The following GUK1 variants were observed in gnomAD, a reference collection of about 807,000 sequenced individuals.
The protein encoded by GUK1 is guanylate kinase 1, also known as guanylate kinase.
GUK1 carries 18 observed loss-of-function variants against 25.2 expected under a neutral mutation model. The observed-to-expected ratio is 0.71, with a 90% CI of 0.49 to 1.06. GUK1 has a LOEUF of 1.06. Among genes scored for constraint, GUK1 ranks in the 50% least tolerant of loss-of-function variants. The pLI is 0.00. For synonymous variants in GUK1, 105 were observed against 117.6 expected (o/e 0.89, Z 0.69); for missense variants, 261 against 276.7 (o/e 0.94, Z 0.40).
intron 2 of GUK1, among the ~76,000 whole-genome samples, chr1:228,143,415 G>A (rs2034172081): frequency 6.6e-6 from 1 of 152,182 alleles, no homozygotes; most frequent in Admixed American, 6.5e-5. Flanking sequence ...TTTCTCCTTC[G>A]TATTAGAAAA....
chr1:228,146,246 G>T (rs2034365649), intron 4 of GUK1, 179 bp downstream of exon 3: 1 of 596,310 alleles, frequency 1.7e-6, no homozygotes, highest in Non-Finnish European at 3.1e-6. Flanking sequence ...ACAGCGTGGT[G>T]TCGCCTTCCT....
chr1:228,140,730 C>T (rs1043158851), intron 1 of GUK1, among the ~76,000 whole-genome samples: 3 of 152,242 alleles, frequency 2.0e-5, no homozygotes, highest in Admixed American at 6.5e-5. Context: ...CGCTCCGGTT[C>T]CCACCTCACC....
At chr1:228,143,485 A>C (rs1036150521) in intron 2 of GUK1, among the ~76,000 whole-genome samples, 3 of 152,240 alleles carry the variant, frequency 2.0e-5, no homozygotes, top group African/African-American at 7.2e-5. Context: ...GTAGGTGTGT[A>C]GCAATTGCTG....
intron 2 of GUK1, among the ~76,000 whole-genome samples, chr1:228,142,163 C>T (rs1008027853): frequency 6.6e-6 from 1 of 152,270 alleles, no homozygotes; most frequent in African/African-American, 2.4e-5. Context: ...TGTGGCTGTG[C>T]TTCTGCAAGG....
chr1:228,141,892 G>A (rs1001864145), intron 2 of GUK1: 29 of 748,006 alleles, frequency 3.9e-5, no homozygotes, highest in Non-Finnish European at 5.1e-5. Flanking sequence ...TGCGACTGTG[G>A]GTTGGTGAGA....
At chr1:228,147,003 GC>G (rs1344700199) in intron 5 of GUK1, 65 bp downstream of exon 4, 3 of 1,038,466 alleles carry the variant, frequency 2.9e-6, no homozygotes, top group African/African-American at 3.1e-5. Context: ...TCCAGGTAGT[GC>G]CTGCTGCCTG....
chr1:228,143,777 A>G (rs369459125), intron 2 of GUK1, among the ~76,000 whole-genome samples: 1 of 152,230 alleles, frequency 6.6e-6, no homozygotes, highest in Non-Finnish European at 1.5e-5. Flanking sequence ...GGCCCGAGCT[A>G]AGCGCAGGGG....
At position 228,146,021 on chromosome 1, in the gene GUK1, G is replaced by A; in HGVS notation, c.113-5G>A. On this transcript the variant is annotated splice_region_variant and splice_polypyrimidine_tract_variant and intron_variant, in intron 3 of 8. Coordinates refer to ENST00000312726, the MANE Select transcript of GUK1 (RefSeq NM_000858.7). ...CCCCCGATGGGTGACAGGTCTCTCT[G>A]CTAGATACCACGAGGAACCCGAGGC... 3.7e-6 allele frequency: 6 copies of A among 1,609,332 alleles called. No homozygotes were observed. The highest frequency in any genetic ancestry group is 5.1e-6 in the Non-Finnish European group (6 of 1,175,764).
At chr1:228,144,602 A>G in intron 2 of GUK1, 1 of 430,010 alleles carries the variant, frequency 2.3e-6, no homozygotes, top group Non-Finnish European at 3.1e-6. Context: ...GCAAGGGCCC[A>G]GGGCCAGGCC....
rs1312545128 is a variant in GUK1, at chr1:228,145,894, C to T, written c.113-132C>T. 1.2e-5 allele frequency: 9 copies of T among 775,012 alleles called. No individual in the cohort carries two copies. The East Asian group carries it at 1.7e-4, about 15-fold the overall frequency. 48.0% of individuals were successfully genotyped at this position (775,012 alleles called of 1,614,324 possible). A position where few individuals can be genotyped will look rare whatever the true frequency, so the allele number is the denominator to read the frequency against. ...AGAACCCTCGCCTTGTAGGCTCCTGCGCCTTCCCAGTGGTGTGCTTCACTG... is the reference window on the plus strand; with the variant it reads ...AGAACCCTCGCCTTGTAGGCTCCTGTGCCTTCCCAGTGGTGTGCTTCACTG... On this transcript the variant is annotated intron_variant, in intron 3 of 8. Transcript: ENST00000312726.
chr1:228,148,238 G>A (rs774072397), intron 7 of GUK1, 133 bp from the exon 7 acceptor site: 51 of 745,332 alleles, frequency 6.8e-5, no homozygotes, highest in African/African-American at 1.4e-4. Flanking sequence ...GCACAGGCCC[G>A]GCTGGGCTGG....
Position 228,148,887 on chromosome 1 carries a change from C to T in GUK1, c.*190C>T. The T allele has an allele frequency of 7.0e-7, 1 of 1,434,690 alleles. No homozygotes were observed. The highest frequency in any genetic ancestry group is 2.5e-5 in the East Asian group (1 of 39,544). 88.9% of individuals were successfully genotyped at this position (1,434,690 alleles called of 1,614,324 possible). Reference sequence around the variant, plus strand: ...CAGCCTCGCTGGGCTGTCCCCTGTCCCTATCTCTCACTCTGGACCCAGGGC... The same window carrying T: ...CAGCCTCGCTGGGCTGTCCCCTGTCTCTATCTCTCACTCTGGACCCAGGGC... On this transcript the variant is annotated 3_prime_UTR_variant, in exon 9 of 9. Transcript: ENST00000312726.
At position 228,147,943 on chromosome 1, in the gene GUK1, G is replaced by A. The variant is rs1200668487; in HGVS notation, c.475+244G>A. 9 of 583,806 alleles carry A rather than the reference G, an allele frequency of 1.5e-5. 1 individual carries two copies. The highest frequency in any genetic ancestry group is 1.1e-4 in the East Asian group (4 of 35,422). The allele number at this position is 583,806 out of a possible 1,614,324, so 36.2% of individuals were successfully genotyped here. On this transcript the variant is annotated intron_variant, in intron 7 of 8. Coordinates refer to ENST00000312726, the MANE Select transcript of GUK1 (RefSeq NM_000858.7). Reference sequence around the variant, plus strand: ...TCCCTCTGTTACCCAGAGTCTCCGTGAGGGCCCCCAGACCCCCCATCGCCC... The same window carrying A: ...TCCCTCTGTTACCCAGAGTCTCCGTAAGGGCCCCCAGACCCCCCATCGCCC...
intron 2 of GUK1, chr1:228,141,435 G>C (rs994023493): frequency 2.4e-5 from 8 of 330,026 alleles, no homozygotes; most frequent in African/African-American, 1.6e-4. Context: ...CTGCAGCCAA[G>C]AGCAGCCGCC....
chr1:228,145,316 G>T (rs898544342), intron 2 of GUK1, 195 bp from the exon 2 acceptor site: 5 of 507,694 alleles, frequency 9.8e-6, no homozygotes, highest in East Asian at 6.9e-5. Flanking sequence ...TCTGAGGGCC[G>T]CCCTGTGCAT....
intron 1 of GUK1, 129 bp downstream of exon 1, chr1:228,140,492 ACTGTGGGCC>A: frequency 1.4e-6 from 1 of 693,404 alleles, no homozygotes; most frequent in East Asian, 3.2e-5. Context: ...GCCGCATTCA[ACTGTGGGCC>A]CTGAGAACGG....
Position 228,146,943 on chromosome 1 carries a change from G to T in GUK1, c.251+5G>T. 2 of 1,600,870 alleles carry T rather than the reference G, an allele frequency of 1.2e-6. No homozygotes were observed. Among genetic ancestry groups the T allele is most frequent in the Non-Finnish European group, 8.6e-7 (1 of 1,168,170 alleles). Reference sequence around the variant, plus strand: ...GGGGAACCTGTATGGCACGAGGTGGGCCATGCGTGGGTGTGGGTGGGCTCC... The same window carrying T: ...GGGGAACCTGTATGGCACGAGGTGGTCCATGCGTGGGTGTGGGTGGGCTCC... On this transcript the variant is annotated splice_donor_5th_base_variant and intron_variant, in intron 5 of 8. Coordinates refer to ENST00000312726, the MANE Select transcript of GUK1 (RefSeq NM_000858.7).
intron 2 of GUK1, chr1:228,141,922 T>TG (rs1302940301): frequency 7.2e-6 from 3 of 417,710 alleles, no homozygotes; most frequent in Non-Finnish European, 1.1e-5. Flanking sequence ...ACAGAATGTT[T>TG]GCTGGAATGC....
intron 2 of GUK1, 104 bp from the exon 2 acceptor site, chr1:228,145,407 C>G: frequency 8.2e-7 from 1 of 1,221,896 alleles, no homozygotes; most frequent in South Asian, 1.6e-5. Context: ...GTCTCCATCC[C>G]TGGGTCAGCC....
Sources: allele counts gnomAD v4.1 joint callset (sites outside exome capture counted in the v4.1 genomes callset), GRCh38; gene constraint gnomAD v4.1.1; transcripts MANE v1.5; gene names NCBI Gene and HGNC (gene_info 2026-07-23, HGNC 2026-07-21).